FHIT: variants seen among roughly 807,000 people sequenced by gnomAD.
The protein encoded by FHIT is bis(5'-adenosyl)-triphosphatase.
Under a neutral mutation model 17.9 loss-of-function variants are expected in FHIT, and 19 were observed. That is an observed-to-expected ratio of 1.06 (90% CI 0.74 to 1.56). FHIT has a LOEUF of 1.56. Ranked by LOEUF, FHIT falls within the 40% of genes most tolerant of loss-of-function variation. FHIT has a pLI of 0.00. For missense variants in FHIT, 248 were observed against 189.2 expected (o/e 1.31, Z -1.82); for synonymous variants, 81 against 69.7 (o/e 1.16, Z -0.81).
intron 5 of FHIT, among the ~76,000 whole-genome samples, chr3:60,441,665 T>G (rs1334792041): frequency 2.1e-5 from 3 of 144,446 alleles, no homozygotes; most frequent in Non-Finnish European, 4.5e-5. Context: ...GGCCAATACA[T>G]TCTTGAAGAA....
At chr3:60,393,621 G>T (rs1576589538) in intron 5 of FHIT, among the ~76,000 whole-genome samples, 1 of 152,146 alleles carries the variant, frequency 6.6e-6, no homozygotes, top group South Asian at 2.1e-4. Context: ...CATAGCAGAA[G>T]TCAAAACTGG....
intron 5 of FHIT, among the ~76,000 whole-genome samples, chr3:60,521,215 G>C (rs1043530534): frequency 6.6e-6 from 1 of 151,304 alleles, no homozygotes; most frequent in African/African-American, 2.4e-5. Context: ...CAACCTTAAG[G>C]CATCAGGATA....
At chr3:59,827,087 T>A (rs1701004140) in intron 8 of FHIT, among the ~76,000 whole-genome samples, 1 of 152,222 alleles carries the variant, frequency 6.6e-6, no homozygotes, top group African/African-American at 2.4e-5. Context: ...TAAGAGCTTT[T>A]GAGCCTGACT....
intron 3 of FHIT, among the ~76,000 whole-genome samples, chr3:60,883,657 C>T (rs1705072382): frequency 6.6e-6 from 1 of 151,878 alleles, no homozygotes; most frequent in Non-Finnish European, 1.5e-5. Flanking sequence ...ACTGGATATC[C>T]ATATGCAGAA....
At chr3:61,053,134 C>T (rs1033151857) in intron 2 of FHIT, among the ~76,000 whole-genome samples, 2 of 152,160 alleles carry the variant, frequency 1.3e-5, no homozygotes, top group African/African-American at 4.8e-5. Context: ...GAAGGACTCT[C>T]TTCCAAATCC....
intron 4 of FHIT, among the ~76,000 whole-genome samples, chr3:60,689,345 ACT>A (rs2040934886): frequency 6.6e-6 from 1 of 152,180 alleles, no homozygotes; most frequent in Non-Finnish European, 1.5e-5. Flanking sequence ...TGGCATCTAT[ACT>A]GAATATGTAC....
chr3:60,715,142 C>G (rs1335407108), intron 4 of FHIT, among the ~76,000 whole-genome samples: 4 of 152,042 alleles, frequency 2.6e-5, no homozygotes, highest in Non-Finnish European at 4.4e-5. Flanking sequence ...ATATCTACAA[C>G]TATCTGATCT....
intron 5 of FHIT, among the ~76,000 whole-genome samples, chr3:60,027,043 G>A (rs1440076065): frequency 4.6e-5 from 7 of 151,584 alleles, no homozygotes; most frequent in Non-Finnish European, 1.0e-4. Context: ...AGCTTGCAGT[G>A]AGCCAAGATA....
chr3:60,419,868 A>G (rs1344691869), intron 5 of FHIT, among the ~76,000 whole-genome samples: 1 of 152,168 alleles, frequency 6.6e-6, no homozygotes, highest in Middle Eastern at 3.2e-3. Flanking sequence ...TCGTTTTGAA[A>G]TAAATTTGGC....
At chr3:60,294,269 C>T (rs1708110657) in intron 5 of FHIT, among the ~76,000 whole-genome samples, 1 of 152,106 alleles carries the variant, frequency 6.6e-6, no homozygotes, top group East Asian at 1.9e-4. Context: ...TTCACTCTTG[C>T]ATGTCCAAGC....
intron 4 of FHIT, among the ~76,000 whole-genome samples, chr3:60,788,976 C>T (rs1207339923): frequency 1.3e-5 from 2 of 151,268 alleles, no homozygotes; most frequent in East Asian, 3.9e-4. Flanking sequence ...ATATGTATCC[C>T]CAGAAGAAAG....
chr3:59,850,227 T>C (rs1701880036), intron 8 of FHIT, among the ~76,000 whole-genome samples: 1 of 152,232 alleles, frequency 6.6e-6, no homozygotes, highest in African/African-American at 2.4e-5. Flanking sequence ...AGGAAGAAAC[T>C]GTCAACTTTC....
intron 3 of FHIT, among the ~76,000 whole-genome samples, chr3:60,917,449 C>G (rs1477855287): frequency 1.3e-5 from 2 of 152,168 alleles, no homozygotes; most frequent in South Asian, 4.1e-4. Flanking sequence ...GCATCATTTC[C>G]TTCTTTTCAG....
intron 5 of FHIT, among the ~76,000 whole-genome samples, chr3:60,041,355 T>C (rs1183749462): frequency 6.6e-6 from 1 of 152,240 alleles, no homozygotes; most frequent in African/African-American, 2.4e-5. Context: ...TTGTCTTTTA[T>C]GTTTTTTTCT....
intron 5 of FHIT, among the ~76,000 whole-genome samples, chr3:60,170,242 G>A (rs958376051): frequency 6.6e-6 from 1 of 152,124 alleles, no homozygotes; most frequent in African/African-American, 2.4e-5. Context: ...CTGGGCAACT[G>A]TCCTTATCAC....
At chr3:60,296,674 T>G (rs1435348056) in intron 5 of FHIT, among the ~76,000 whole-genome samples, 4 of 152,064 alleles carry the variant, frequency 2.6e-5, no homozygotes, top group African/African-American at 9.7e-5. Context: ...ACTAATCAAT[T>G]TTTCCTTTTA....
intron 4 of FHIT, among the ~76,000 whole-genome samples, chr3:60,796,040 G>A (rs146265346): frequency 7.8e-4 from 119 of 152,280 alleles, no homozygotes; most frequent in Non-Finnish European, 1.5e-3. Flanking sequence ...GGCAGCAAGA[G>A]AAAATGAGTA....
chr3:60,774,762 A>G (rs782203117), intron 4 of FHIT, among the ~76,000 whole-genome samples: 1 of 152,216 alleles, frequency 6.6e-6, no homozygotes, highest in Non-Finnish European at 1.5e-5. Context: ...ATCTGATCAC[A>G]GAGCTAGCTA....
intron 8 of FHIT, among the ~76,000 whole-genome samples, chr3:59,832,299 G>A (rs1451620828): frequency 1.3e-5 from 2 of 152,066 alleles, no homozygotes; most frequent in Non-Finnish European, 2.9e-5. Context: ...CTCAACCATT[G>A]AGTCACAGCC....
Sources: gnomAD v4.1 joint callset for allele counts (sites outside exome capture counted in the v4.1 genomes callset) on GRCh38, gnomAD v4.1.1 for gene constraint, MANE v1.5 for transcripts, NCBI Gene and HGNC (gene_info 2026-07-23, HGNC 2026-07-21) for gene names.